SCYL2: variants seen among roughly 807,000 people sequenced by gnomAD.
SCYL2 encodes SCY1 like pseudokinase 2.
SCYL2 carries 36 observed loss-of-function variants against 100.4 expected under a neutral mutation model. That is an observed-to-expected ratio of 0.36 (90% CI 0.27 to 0.47). The LOEUF is 0.47. SCYL2 is among the 20% of genes least tolerant of loss of function. The pLI is 1.00. For synonymous variants in SCYL2, 330 were observed against 359.2 expected, an observed-to-expected ratio of 0.92 and a Z score of 0.92; for missense variants, 902 against 1,083.9, an observed-to-expected ratio of 0.83 and a Z score of 2.36.
At chr12:100,338,322 A>T (rs1247980171) in intron 17 of SCYL2, among the ~76,000 whole-genome samples, 1 of 152,194 alleles carries the variant, frequency 6.6e-6, no homozygotes, top group Non-Finnish European at 1.5e-5. Context: ...CCCTATCATC[A>T]AATCGATTGC....
intron 1 of SCYL2, among the ~76,000 whole-genome samples, chr12:100,281,397 C>T (rs1347563403): frequency 3.3e-5 from 5 of 152,024 alleles, no homozygotes; most frequent in African/African-American, 1.2e-4. Context: ...TTATAAAATA[C>T]CAATTTGGGC....
At chr12:100,287,275 G>T (rs917875532) in intron 2 of SCYL2, among the ~76,000 whole-genome samples, 8 of 151,806 alleles carry the variant, frequency 5.3e-5, no homozygotes, top group African/African-American at 9.7e-5. Context: ...TTTGGTTTTT[G>T]TTGTTGTTGT....
intron 3 of SCYL2, among the ~76,000 whole-genome samples, chr12:100,293,707 G>C (rs1386168250): frequency 2.6e-5 from 4 of 152,040 alleles, no homozygotes; most frequent in South Asian, 2.1e-4. Flanking sequence ...CTGGGTACTT[G>C]AGATTAGGGA....
intron 4 of SCYL2, among the ~76,000 whole-genome samples, chr12:100,307,106 G>A (rs931337831): frequency 6.6e-6 from 1 of 152,130 alleles, no homozygotes; most frequent in African/African-American, 2.4e-5. Context: ...TCCCCATCAA[G>A]CTACCACTGA....
intron 4 of SCYL2, among the ~76,000 whole-genome samples, chr12:100,308,272 T>C (rs1474700355): frequency 6.6e-6 from 1 of 151,932 alleles, no homozygotes; most frequent in Non-Finnish European, 1.5e-5. Flanking sequence ...ATAAAGAAAA[T>C]GTGGCACATA....
chr12:100,304,842 G>A (rs2096332285), intron 4 of SCYL2, among the ~76,000 whole-genome samples: 1 of 151,952 alleles, frequency 6.6e-6, no homozygotes, highest in Non-Finnish European at 1.5e-5. Flanking sequence ...AAAAAAAGCG[G>A]GGGTTGCAGT....
intron 4 of SCYL2, 38 bp from the exon 5 acceptor site, chr12:100,311,006 G>A: frequency 1.4e-6 from 2 of 1,465,962 alleles, no homozygotes; most frequent in Non-Finnish European, 9.0e-7. Flanking sequence ...ATTGAAAGGA[G>A]TTTTATTTAG....
At chr12:100,325,969 T>TG (rs1027876143) in intron 11 of SCYL2, among the ~76,000 whole-genome samples, 6 of 152,162 alleles carry the variant, frequency 3.9e-5, no homozygotes, top group African/African-American at 4.8e-5. Flanking sequence ...CTGCCTTTGT[T>TG]GGTTTACTGT....
intron 6 of SCYL2, among the ~76,000 whole-genome samples, 166 bp downstream of exon 6, chr12:100,312,819 A>G (rs1210598390): frequency 2.0e-5 from 3 of 152,200 alleles, no homozygotes; most frequent in Non-Finnish European, 4.4e-5. Context: ...TAACAAATTT[A>G]TAAGTAACGC....
rs1382937767 is a variant in SCYL2 at position 100,267,481 on chromosome 12, G to A, written c.-340G>A. 1.2e-5 allele frequency: 2 copies of A among 162,888 alleles called. No individual in the cohort carries two copies. The highest frequency in any genetic ancestry group is 2.7e-5 in the Non-Finnish European group (2 of 74,020). 10.1% of individuals were successfully genotyped at this position (162,888 alleles called of 1,614,324 possible). A position where few individuals can be genotyped will look rare whatever the true frequency, so the allele number is the denominator to read the frequency against. ...CTCCCGGAGCCGGCGAGGAGGGAAT[G>A]GAGGACTCGCGCCCGGGTTAGGCCT... On this transcript the variant is annotated 5_prime_UTR_variant, in exon 1 of 18. The change abolishes an upstream ATG in the 5' untranslated region. Coordinates refer to ENST00000360820, the MANE Select transcript of SCYL2 (RefSeq NM_017988.6).
intron 4 of SCYL2, among the ~76,000 whole-genome samples, chr12:100,304,889 G>C (rs184617593): frequency 3.8e-4 from 58 of 151,590 alleles, no homozygotes; most frequent in Admixed American, 1.8e-3. Flanking sequence ...AACCAACAAA[G>C]ATCAAAAAAG....
chr12:100,322,261 TAC>T (rs534331101), intron 10 of SCYL2, among the ~76,000 whole-genome samples: 3,632 of 146,424 alleles, frequency 0.025, 141 homozygotes, highest in African/African-American at 0.086. Flanking sequence ...TAGTCCCAGC[TAC>T]GCGGGAGGCT....
intron 13 of SCYL2, among the ~76,000 whole-genome samples, chr12:100,332,869 C>A (rs1002634421): frequency 6.6e-6 from 1 of 151,876 alleles, no homozygotes; most frequent in Non-Finnish European, 1.5e-5. Context: ...CATGTACCAC[C>A]ACTCCTGGCT....
intron 10 of SCYL2, among the ~76,000 whole-genome samples, chr12:100,320,750 TA>T (rs1241697788): frequency 6.6e-6 from 1 of 152,000 alleles, no homozygotes; most frequent in Non-Finnish European, 1.5e-5. Context: ...ATACAGGTGT[TA>T]GGGGGTCCTT....
At chr12:100,287,536 CTT>C (rs770374340) in intron 2 of SCYL2, among the ~76,000 whole-genome samples, 1 of 152,120 alleles carries the variant, frequency 6.6e-6, no homozygotes, top group East Asian at 1.9e-4. Context: ...ATACTACAGT[CTT>C]TTAGAATACT....
chr12:100,273,703 G>T (rs192311058), intron 1 of SCYL2, among the ~76,000 whole-genome samples: 49 of 152,224 alleles, frequency 3.2e-4, no homozygotes, highest in East Asian at 1.9e-4. Flanking sequence ...ATCTTGGCAC[G>T]TGGTATTATA....
rs781719878 is a variant in SCYL2 at position 100,317,929 on chromosome 12, C to T, written c.1395+4C>T. On this transcript the variant is annotated splice_donor_region_variant and intron_variant, in intron 10 of 17. Coordinates refer to ENST00000360820, the MANE Select transcript of SCYL2 (RefSeq NM_017988.6). ...AGCTCCTTCCATTCAGATCCAGGTA[C>T]AGTATCTGATTTGTTTTTCTTTAAT... The T allele has an allele frequency of 3.2e-6, 5 of 1,548,784 alleles. No individual in the cohort carries two copies. The African/African-American group carries it at 4.2e-5, about 13-fold the overall frequency.
chr12:100,288,902 G>A (rs867346519), intron 2 of SCYL2, among the ~76,000 whole-genome samples: 1 of 149,826 alleles, frequency 6.7e-6, no homozygotes. Flanking sequence ...TTTTTTTTGA[G>A]ATGGAATCTC....
chr12:100,302,688 T>G (rs2096329365), intron 4 of SCYL2, among the ~76,000 whole-genome samples: 1 of 152,340 alleles, frequency 6.6e-6, no homozygotes, highest in African/African-American at 2.4e-5. Context: ...TTAACATTTT[T>G]TCCTTCATTT....
Sources: allele counts gnomAD v4.1 joint callset (sites outside exome capture counted in the v4.1 genomes callset), GRCh38; gene constraint gnomAD v4.1.1; transcripts MANE v1.5; gene names NCBI Gene and HGNC (gene_info 2026-07-23, HGNC 2026-07-21).